The following APBB2 variants were observed in gnomAD, a reference collection of about 807,000 sequenced individuals.
APBB2 encodes the protein amyloid beta precursor protein binding family B member 2.
APBB2 carries 38 observed loss-of-function variants against 82.5 expected under a neutral mutation model. The observed-to-expected ratio is 0.46, with a 90% CI of 0.36 to 0.60. The LOEUF is 0.60. Ranked by LOEUF, APBB2 falls within the 20% of genes least tolerant of loss-of-function variation. APBB2 has a pLI of 0.00. For missense variants in APBB2, 772 were observed against 972.3 expected, an observed-to-expected ratio of 0.79 and a Z score of 2.74; for synonymous variants, 341 against 368.2, an observed-to-expected ratio of 0.93 and a Z score of 0.85.
intron 6 of APBB2, among the ~76,000 whole-genome samples, chr4:40,972,931 T>C (rs1380796683): frequency 1.3e-5 from 2 of 152,220 alleles, no homozygotes; most frequent in Non-Finnish European, 2.9e-5. Context: ...CCTTGAATCT[T>C]AGACTGCAAC....
At chr4:41,061,979 G>A (rs780212372) in intron 4 of APBB2, among the ~76,000 whole-genome samples, 4 of 152,092 alleles carry the variant, frequency 2.6e-5, no homozygotes, top group Non-Finnish European at 5.9e-5. Context: ...TACTGAAATC[G>A]TTTCCCTTCT....
At chr4:41,210,789 A>C (rs1018107431) in intron 1 of APBB2, among the ~76,000 whole-genome samples, 1 of 152,250 alleles carries the variant, frequency 6.6e-6, no homozygotes, top group Non-Finnish European at 1.5e-5. Context: ...ATAATAATGG[A>C]ATCAATTAAA....
At chr4:40,852,220 G>A (rs1759692373) in intron 12 of APBB2, among the ~76,000 whole-genome samples, 1 of 151,874 alleles carries the variant, frequency 6.6e-6, no homozygotes, top group Non-Finnish European at 1.5e-5. Flanking sequence ...GCATGGTGGT[G>A]CATGCCTGTA....
intron 7 of APBB2, among the ~76,000 whole-genome samples, chr4:40,939,379 C>A (rs537829919): frequency 1.3e-5 from 2 of 152,074 alleles, no homozygotes; most frequent in Non-Finnish European, 2.9e-5. Context: ...ACTGGCTGCC[C>A]GAGGGTGCCC....
chr4:40,971,037 T>C (rs1401306542), intron 6 of APBB2, among the ~76,000 whole-genome samples: 1 of 152,202 alleles, frequency 6.6e-6, no homozygotes, highest in Non-Finnish European at 1.5e-5. Context: ...AGCATTTTCC[T>C]TCATACATAC....
chr4:40,927,526 G>A (rs184137802), intron 10 of APBB2, among the ~76,000 whole-genome samples: 75 of 152,284 alleles, frequency 4.9e-4, no homozygotes, highest in Admixed American at 1.4e-3. Flanking sequence ...CTGTCACCCA[G>A]GCTGAAGTGC....
intron 6 of APBB2, among the ~76,000 whole-genome samples, chr4:41,011,601 T>A (rs1248336196): frequency 1.3e-5 from 2 of 152,090 alleles, no homozygotes; most frequent in Non-Finnish European, 2.9e-5. Context: ...TGGCTAATTT[T>A]TAATGTTTTA....
Position 40,970,584 on chromosome 4 carries a change from T to C in APBB2, c.836-25511A>G, listed in dbSNP as rs116641867. ...TCAGCAATGGTCTTGCCAGTGAGAC[T>C]AGAATGCTCTGACACCACGGGCTAG... On this transcript the variant is annotated intron_variant, in intron 6 of 17. Transcript: ENST00000508593. 3.4e-3 allele frequency among the ~76,000 whole-genome samples: 515 copies of C among 152,240 alleles called. 3 individuals are homozygous for C. Among genetic ancestry groups the C allele is most frequent in the African/African-American group, 0.012 (487 of 41,546 alleles).
rs756228500 is a variant in APBB2, at chr4:41,013,676, G to C, written c.742C>G (p.His248Asp). 6.2e-7 allele frequency: 1 copy of C among 1,614,208 alleles called. No homozygotes were observed. The highest frequency in any genetic ancestry group is 8.5e-7 in the Non-Finnish European group (1 of 1,180,024). Residue 248 changes from histidine (H) to aspartate (D), a missense_variant, in exon 6 of 18, where the codon CAC (histidine) becomes GAC (aspartate). Transcript: ENST00000508593. ...CTCGGTGCCAGGTTCTGGATCCGGTGCAGTGCACAGTCGGTTTTGGCCCCT... is the reference window on the plus strand; with the variant it reads ...CTCGGTGCCAGGTTCTGGATCCGGTCCAGTGCACAGTCGGTTTTGGCCCCT... Reference protein sequence around the residue: ...KTGAKTDCALHRIQNLAPSDE... With the variant: ...KTGAKTDCALDRIQNLAPSDE...
At chr4:40,868,385 A>T (rs35710766) in intron 12 of APBB2, among the ~76,000 whole-genome samples, 60,676 of 151,936 alleles carry the variant, frequency 0.4, 12,606 homozygotes, top group Non-Finnish European at 0.46. Context: ...CATATAGAAA[A>T]TTTTTTGAGG....
intron 12 of APBB2, among the ~76,000 whole-genome samples, chr4:40,838,335 T>C (rs1396169758): frequency 7.3e-6 from 1 of 137,768 alleles, no homozygotes; most frequent in Non-Finnish European, 1.6e-5. Context: ...GCTAATTTTT[T>C]TTTTTTTTTT....
intron 1 of APBB2, among the ~76,000 whole-genome samples, chr4:41,165,885 T>C (rs1317579834): frequency 6.7e-6 from 1 of 149,058 alleles, no homozygotes. Flanking sequence ...TTTTTTTTTT[T>C]TTTTTTGAGA....
At chr4:40,927,870 A>G (rs1340810481) in intron 10 of APBB2, among the ~76,000 whole-genome samples, 8 of 152,200 alleles carry the variant, frequency 5.3e-5, no homozygotes, top group Admixed American at 4.6e-4. Flanking sequence ...AGTTACACAA[A>G]GGACAGAAAA....
At chr4:41,135,880 A>C (rs1466209031) in intron 2 of APBB2, among the ~76,000 whole-genome samples, 2 of 152,172 alleles carry the variant, frequency 1.3e-5, no homozygotes, top group African/African-American at 4.8e-5. Context: ...TATGTTGCCC[A>C]TGCTGGTCTC....
At chr4:40,910,070 G>A (rs745548173) in intron 10 of APBB2, among the ~76,000 whole-genome samples, 4 of 151,316 alleles carry the variant, frequency 2.6e-5, no homozygotes, top group South Asian at 4.2e-4. Flanking sequence ...GTCTCCTGCC[G>A]CATCCTCCCT....
chr4:40,857,164 C>A (rs1034322220), intron 12 of APBB2: 198 of 985,282 alleles, frequency 2.0e-4, no homozygotes, highest in Non-Finnish European at 2.3e-4. Context: ...TTGAAGAGAG[C>A]GGCGCCCGCG....
intron 12 of APBB2, among the ~76,000 whole-genome samples, chr4:40,853,486 G>A (rs752466369): frequency 6.6e-5 from 10 of 151,080 alleles, no homozygotes; most frequent in African/African-American, 9.7e-5. Context: ...AGTTTCGCTC[G>A]TTGTCCAGGC....
chr4:40,897,115 C>G (rs1350389133), intron 10 of APBB2, among the ~76,000 whole-genome samples: 1 of 152,174 alleles, frequency 6.6e-6, no homozygotes, highest in Non-Finnish European at 1.5e-5. Context: ...TCCAAGATGA[C>G]AAATATTTTG....
rs1442782457 is a variant in APBB2 at position 40,982,302 on chromosome 4, G to GA, written c.835+31280dup. On this transcript the variant is annotated intron_variant, in intron 6 of 17. Transcript: ENST00000508593. ...AGAAAGAAGGAAGGAAGGAAGGAAG[G>GA]AAGGAAAGAAAGAAAGAAAGAAAAG... Among the ~76,000 whole-genome samples the GA allele has an allele frequency of 5.4e-3, 219 of 40,444 alleles. 6 individuals carry two copies. Among genetic ancestry groups the GA allele is most frequent in the Middle Eastern group, 0.012 (1 of 84 alleles). The allele number at this position is 40,444 out of a possible 152,430, so 26.5% of individuals were successfully genotyped here.
Sources: gnomAD v4.1 joint callset for allele counts (sites outside exome capture counted in the v4.1 genomes callset) on GRCh38, gnomAD v4.1.1 for gene constraint, MANE v1.5 for transcripts, NCBI Gene and HGNC (gene_info 2026-07-23, HGNC 2026-07-21) for gene names.